Variants in ITGA9 observed in about 807,000 individuals in gnomAD.
The protein encoded by ITGA9 is integrin subunit alpha 9.
Under a neutral mutation model 127.8 loss-of-function variants are expected in ITGA9, and 56 were observed. The observed-to-expected ratio is 0.44, with a 90% CI of 0.35 to 0.55. ITGA9 has a LOEUF of 0.55. Among genes scored for constraint, ITGA9 ranks in the 20% least tolerant of loss-of-function variants. The pLI, the probability that ITGA9 is intolerant of heterozygous loss-of-function variation, is 0.00. For missense variants in ITGA9, 1,196 were observed against 1,347.1 expected (o/e 0.89, Z 1.76); for synonymous variants, 508 against 514.5 (o/e 0.99, Z 0.17).
At chr3:37,577,667 G>A (rs559710804) in intron 15 of ITGA9, among the ~76,000 whole-genome samples, 46 of 152,314 alleles carry the variant, frequency 3.0e-4, no homozygotes, top group Admixed American at 8.5e-4. Context: ...AACTGTTTTT[G>A]TTCTGTTTTT....
intron 26 of ITGA9, among the ~76,000 whole-genome samples, chr3:37,786,535 G>A (rs2125554579): frequency 6.6e-6 from 1 of 152,212 alleles, no homozygotes; most frequent in African/African-American, 2.4e-5. Flanking sequence ...GGAGGTTGCA[G>A]TGAGCCAAGA....
At chr3:37,775,402 T>C (rs1444244379) in intron 23 of ITGA9, among the ~76,000 whole-genome samples, 2 of 152,050 alleles carry the variant, frequency 1.3e-5, no homozygotes, top group African/African-American at 4.8e-5. Flanking sequence ...CCCAGCACTT[T>C]GGGAGGCCGA....
chr3:37,561,240 G>C (rs1304733626), intron 15 of ITGA9, among the ~76,000 whole-genome samples: 1 of 152,152 alleles, frequency 6.6e-6, no homozygotes, highest in Non-Finnish European at 1.5e-5. Flanking sequence ...TCAATAAAAT[G>C]TTAATGAAAT....
chr3:37,677,872 C>CA (rs1700697550), intron 17 of ITGA9, among the ~76,000 whole-genome samples: 1 of 152,234 alleles, frequency 6.6e-6, no homozygotes, highest in Non-Finnish European at 1.5e-5. Context: ...TGATTTGCAT[C>CA]ATTGATTTTA....
intron 4 of ITGA9, among the ~76,000 whole-genome samples, chr3:37,484,213 A>C (rs997992798): frequency 1.6e-4 from 24 of 152,110 alleles, no homozygotes; most frequent in Admixed American, 3.9e-4. Context: ...TGGCATGTGG[A>C]GTATTGGGGT....
Position 37,496,394 on chromosome 3 carries a change from C to T in ITGA9, c.612+1826C>T, listed in dbSNP as rs561525876. 3.9e-5 allele frequency among the ~76,000 whole-genome samples: 6 copies of T among 152,214 alleles called. No homozygotes were observed. The East Asian group carries it at 1.2e-3, about 29-fold the overall frequency. On this transcript the variant is annotated intron_variant, in intron 5 of 27. Transcript: ENST00000264741. ...TGAGGCCGAATTTAAAGATTGTTCT[C>T]TCACCTCACTCTCCTACTTCTAAGC...
intron 9 of ITGA9, among the ~76,000 whole-genome samples, chr3:37,514,877 T>C (rs1698968193): frequency 6.6e-6 from 1 of 152,054 alleles, no homozygotes; most frequent in African/African-American, 2.4e-5. Flanking sequence ...ATAATCTTGG[T>C]GTCCCCTATT....
chr3:37,654,048 A>G (rs1055742301), intron 17 of ITGA9, among the ~76,000 whole-genome samples: 6 of 152,112 alleles, frequency 3.9e-5, no homozygotes, highest in African/African-American at 9.7e-5. Flanking sequence ...TCTAATTTCT[A>G]TGAGTATTTG....
chr3:37,760,472 C>T (rs1696710997), intron 23 of ITGA9, among the ~76,000 whole-genome samples: 1 of 151,730 alleles, frequency 6.6e-6, no homozygotes, highest in Non-Finnish European at 1.5e-5. Context: ...TGTGGGACAC[C>T]ACAAAGTTTA....
At chr3:37,571,306 A>G (rs574145191) in intron 15 of ITGA9, among the ~76,000 whole-genome samples, 7 of 152,280 alleles carry the variant, frequency 4.6e-5, no homozygotes, top group African/African-American at 1.7e-4. Flanking sequence ...AACTACACCC[A>G]TGCTGCCCAT....
intron 14 of ITGA9, among the ~76,000 whole-genome samples, chr3:37,541,288 A>G (rs1260085151): frequency 6.6e-6 from 1 of 152,226 alleles, no homozygotes; most frequent in East Asian, 1.9e-4. Flanking sequence ...TTGCCTTGTC[A>G]TTCCAGGGAC....
At chr3:37,648,178 C>T (rs1240947654) in intron 16 of ITGA9, among the ~76,000 whole-genome samples, 2 of 152,162 alleles carry the variant, frequency 1.3e-5, no homozygotes, top group Admixed American at 6.5e-5. Flanking sequence ...CATGCCCTCA[C>T]TAACACTTTT....
chr3:37,590,472 T>C (rs1306174518), intron 15 of ITGA9, among the ~76,000 whole-genome samples: 10 of 152,134 alleles, frequency 6.6e-5, no homozygotes, highest in Admixed American at 3.3e-4. Flanking sequence ...GGCTCTCCCA[T>C]GGGGTTTCAC....
chr3:37,611,939 G>A (rs892643969), intron 15 of ITGA9, among the ~76,000 whole-genome samples: 3 of 152,128 alleles, frequency 2.0e-5, no homozygotes, highest in Non-Finnish European at 2.9e-5. Flanking sequence ...GAGCACTGAA[G>A]CAGCTTTGCT....
chr3:37,671,711 T>A (rs1700638544), intron 17 of ITGA9, among the ~76,000 whole-genome samples: 2 of 152,234 alleles, frequency 1.3e-5, no homozygotes, highest in Middle Eastern at 6.8e-3. Flanking sequence ...CTGTAAATTT[T>A]AATTGAGGTG....
intron 15 of ITGA9, among the ~76,000 whole-genome samples, chr3:37,556,372 G>T (rs1559535733): frequency 6.6e-6 from 1 of 152,186 alleles, no homozygotes; most frequent in Non-Finnish European, 1.5e-5. Context: ...TCGTTTCATA[G>T]TTTTTTGGGG....
chr3:37,790,490 T>C (rs548727788), intron 26 of ITGA9: 29 of 320,512 alleles, frequency 9.0e-5, no homozygotes, highest in Non-Finnish European at 1.7e-4. Flanking sequence ...GTGGGAACAC[T>C]GGCACAGGAA....
At chr3:37,525,138 C>T (rs531282596) in intron 12 of ITGA9, among the ~76,000 whole-genome samples, 11 of 152,142 alleles carry the variant, frequency 7.2e-5, no homozygotes, top group Admixed American at 2.6e-4. Flanking sequence ...ATTTATATGG[C>T]CGGGTTGGGG....
At chr3:37,493,173 T>C (rs1392912302) in intron 4 of ITGA9, among the ~76,000 whole-genome samples, 1 of 152,240 alleles carries the variant, frequency 6.6e-6, no homozygotes, top group South Asian at 2.1e-4. Flanking sequence ...AAAATGTTAC[T>C]AGGCTCTGTG....
Sources: allele counts gnomAD v4.1 joint callset (sites outside exome capture counted in the v4.1 genomes callset), GRCh38; gene constraint gnomAD v4.1.1; transcripts MANE v1.5; gene names NCBI Gene and HGNC (gene_info 2026-07-23, HGNC 2026-07-21).